SPECC1: variants seen among roughly 807,000 people sequenced by gnomAD.
SPECC1 encodes the protein cytospin-B.
Under a neutral mutation model 104.1 loss-of-function variants are expected in SPECC1, and 62 were observed. The observed-to-expected ratio is 0.60, with a 90% CI of 0.49 to 0.74. The LOEUF (loss-of-function observed/expected upper bound fraction) is 0.74. SPECC1 is among the 30% of genes least tolerant of loss of function. The pLI is 0.00. For missense variants in SPECC1, 1,306 were observed against 1,310.5 expected, an observed-to-expected ratio of 1.00 and a Z score of 0.05; for synonymous variants, 513 against 501.6, an observed-to-expected ratio of 1.02 and a Z score of -0.30.
intron 3 of SPECC1, among the ~76,000 whole-genome samples, chr17:20,199,063 G>A (rs2036225566): frequency 1.4e-5 from 2 of 144,966 alleles, no homozygotes; most frequent in Admixed American, 6.9e-5. Flanking sequence ...TAATGGAATT[G>A]CAGGATCTTA....
In SPECC1 at chr17:20,318,792, G is replaced by A. The variant is rs2042070165; in HGVS notation, c.*4727G>A. 4.7e-6 allele frequency: 1 copy of A among 213,784 alleles called. No individual in the cohort carries two copies. Among genetic ancestry groups the A allele is most frequent in the Non-Finnish European group, 9.4e-6 (1 of 106,070 alleles). 13.2% of individuals were successfully genotyped at this position (213,784 alleles called of 1,614,324 possible). ...CTCCTCTGATCCAGGTTAGAATTTT[G>A]CTAAATCTGTAGCATCCTGAATAGC... On this transcript the variant is annotated 3_prime_UTR_variant, in exon 15 of 15. Transcript: ENST00000395527.
chr17:20,298,614 T>G (rs2041434931), intron 13 of SPECC1, among the ~76,000 whole-genome samples: 1 of 151,964 alleles, frequency 6.6e-6, no homozygotes, highest in South Asian at 2.1e-4. Context: ...ACCATGAGGG[T>G]GGTAGCAACG....
At chr17:20,229,215 T>C (rs2038420910) in intron 5 of SPECC1, among the ~76,000 whole-genome samples, 1 of 152,188 alleles carries the variant, frequency 6.6e-6, no homozygotes, top group Non-Finnish European at 1.5e-5. Flanking sequence ...TTGGTGACTT[T>C]GCTATTTAAA....
intron 12 of SPECC1, among the ~76,000 whole-genome samples, chr17:20,276,701 A>T (rs1205501949): frequency 6.6e-6 from 1 of 152,208 alleles, no homozygotes; most frequent in East Asian, 1.9e-4. Context: ...CTGAGGGGTA[A>T]CCACAGTGGA....
intron 3 of SPECC1, chr17:20,156,000 G>A (rs2032447486): frequency 7.8e-7 from 1 of 1,282,874 alleles, no homozygotes; most frequent in Non-Finnish European, 9.9e-7. Context: ...ATGCAGATGA[G>A]GGGGCGGGGC....
intron 3 of SPECC1, chr17:20,112,721 C>T (rs2048555013): frequency 2.5e-6 from 3 of 1,183,996 alleles, no homozygotes; most frequent in Non-Finnish European, 3.8e-6. Flanking sequence ...TCCTTCCGGT[C>T]TTAAAGCCAA....
chr17:20,173,159 C>T (rs1484546643), intron 3 of SPECC1, among the ~76,000 whole-genome samples: 1 of 152,182 alleles, frequency 6.6e-6, no homozygotes, highest in African/African-American at 2.4e-5. Context: ...TAAGGATGCA[C>T]AGTCCACTCT....
chr17:20,291,040 AG>A, intron 12 of SPECC1, among the ~76,000 whole-genome samples: 1 of 152,370 alleles, frequency 6.6e-6, no homozygotes, highest in Non-Finnish European at 1.5e-5. Flanking sequence ...GAATTTGGGA[AG>A]GGAGCGAGGA....
At chr17:20,275,223 A>G (rs1325344202) in intron 12 of SPECC1, among the ~76,000 whole-genome samples, 1 of 152,188 alleles carries the variant, frequency 6.6e-6, no homozygotes, top group Non-Finnish European at 1.5e-5. Flanking sequence ...ATGGTATACT[A>G]TTCCTGAAGG....
intron 1 of SPECC1, among the ~76,000 whole-genome samples, chr17:20,042,419 C>T (rs2045367414): frequency 6.6e-6 from 1 of 152,164 alleles, no homozygotes; most frequent in Admixed American, 6.5e-5. Flanking sequence ...TGAATCTCCA[C>T]TAGGCCTCCT....
At chr17:20,023,882 T>G (rs1468387696) in intron 1 of SPECC1, among the ~76,000 whole-genome samples, 1 of 151,204 alleles carries the variant, frequency 6.6e-6, no homozygotes, top group East Asian at 1.9e-4. Flanking sequence ...GAGCAGTATA[T>G]GGATACTGGG....
At chr17:20,240,392 A>G (rs1236208344) in intron 7 of SPECC1, among the ~76,000 whole-genome samples, 4 of 151,964 alleles carry the variant, frequency 2.6e-5, no homozygotes, top group Non-Finnish European at 2.9e-5. Context: ...AGCCTTTATC[A>G]TATTTTTCAT....
chr17:20,204,473 A>C lies in SPECC1; in HGVS notation c.424A>C (p.Thr142Pro). The C allele has an allele frequency of 1.9e-6, 3 of 1,613,762 alleles. No individual in the cohort carries two copies. The highest frequency in any genetic ancestry group is 2.5e-6 in the Non-Finnish European group (3 of 1,179,970). Reference sequence around the variant, plus strand: ...CAGTCCAACTTCTTCCAACACTCCCACTCCTACGAAACACCTGAGGACCCC... The same window carrying C: ...CAGTCCAACTTCTTCCAACACTCCCCCTCCTACGAAACACCTGAGGACCCC... ...VSSPTSSNTP[T>P]PTKHLRTPST... Residue 142 changes from threonine (T) to proline (P), a missense_variant, in exon 4 of 15, where the codon ACT (threonine) becomes CCT (proline). By Grantham distance (38) the Thr-to-Pro change is conservative. Around this residue, in one of 2 missense-constraint regions of SPECC1, gnomAD observed 1,177 missense variants for 1,139.9 expected, o/e 1.03. Transcript: ENST00000395527.
rs200231490 is a variant in SPECC1 at position 20,161,798 on chromosome 17, C to CTT, written c.284-42522_284-42521dup. ...AGTTCTGTCACTTCTTTTTTTCTTT[C>CTT]TTTTTTTTTTTTTTGAGACAGAGTC... On this transcript the variant is annotated intron_variant, in intron 3 of 14. Coordinates refer to ENST00000395527, the MANE Select transcript of SPECC1 (RefSeq NM_001243439.2). Among the ~76,000 whole-genome samples the CTT allele has an allele frequency of 2.4e-3, 337 of 141,618 alleles. 1 individual carries two copies. Among genetic ancestry groups the CTT allele is most frequent in the African/African-American group, 7.1e-3 (271 of 38,300 alleles). The allele number at this position is 141,618 out of a possible 152,430, so 92.9% of individuals were successfully genotyped here.
intron 3 of SPECC1, chr17:20,156,294 C>A: frequency 7.6e-7 from 1 of 1,309,008 alleles, no homozygotes; most frequent in Non-Finnish European, 9.8e-7. Context: ...CCTCCAGGCG[C>A]CCTTCCCCCA....
chr17:20,089,742 G>A (rs2047325045), intron 1 of SPECC1, among the ~76,000 whole-genome samples: 1 of 152,194 alleles, frequency 6.6e-6, no homozygotes, highest in Admixed American at 6.5e-5. Flanking sequence ...GCCCAGGAGG[G>A]CCTTAATGCC....
chr17:20,085,094 C>T (rs1285152995), intron 1 of SPECC1, among the ~76,000 whole-genome samples: 2 of 152,164 alleles, frequency 1.3e-5, no homozygotes, highest in African/African-American at 4.8e-5. Flanking sequence ...CTTGGGCAGG[C>T]CTGGAGGCTG....
intron 1 of SPECC1, among the ~76,000 whole-genome samples, chr17:20,070,404 C>T (rs1483559352): frequency 2.0e-5 from 3 of 152,088 alleles, no homozygotes; most frequent in Admixed American, 6.6e-5. Context: ...ATTACTAGGG[C>T]AAATTATACT....
intron 7 of SPECC1, among the ~76,000 whole-genome samples, chr17:20,241,565 A>G (rs961219572): frequency 1.3e-5 from 2 of 152,242 alleles, no homozygotes; most frequent in Middle Eastern, 3.4e-3. Flanking sequence ...TGTACTCTCT[A>G]TTAGCAGAAA....
Sources: gnomAD v4.1 joint callset for allele counts (sites outside exome capture counted in the v4.1 genomes callset) on GRCh38, gnomAD v4.1.1 for gene constraint, gnomAD v4.1.1 regional missense constraint, MANE v1.5 for transcripts, NCBI Gene and HGNC (gene_info 2026-07-23, HGNC 2026-07-21) for gene names.